Variants in ZNHIT6 observed in about 807,000 individuals in gnomAD.
ZNHIT6 encodes zinc finger HIT-type containing 6.
Under a neutral mutation model 57.2 loss-of-function variants are expected in ZNHIT6, and 45 were observed. The ratio of observed to expected loss-of-function variants is 0.79; its 90% CI spans 0.62 to 1.01. ZNHIT6 has a LOEUF of 1.01. Ranked by LOEUF, ZNHIT6 falls within the 50% of genes least tolerant of loss-of-function variation. ZNHIT6 has a pLI of 0.00. For synonymous variants in ZNHIT6, 188 were observed against 190.0 expected, an observed-to-expected ratio of 0.99 and a Z score of 0.09; for missense variants, 528 against 567.3, an observed-to-expected ratio of 0.93 and a Z score of 0.70.
intron 5 of ZNHIT6, among the ~76,000 whole-genome samples, chr1:85,683,908 G>C (rs969107922): frequency 2.0e-5 from 3 of 151,976 alleles, no homozygotes; most frequent in Admixed American, 6.6e-5. Flanking sequence ...CTCTAGATGA[G>C]TGTTCCACTA....
rs562220614 is a variant in ZNHIT6, at chr1:85,652,088, G to A, written c.*1970C>T. The A allele has an allele frequency of 1.3e-5, 2 of 152,212 alleles. No individual in the cohort carries two copies. Among genetic ancestry groups the A allele is most frequent in the African/African-American group, 4.8e-5 (2 of 41,528 alleles). The allele number at this position is 152,212 out of a possible 1,614,324, so 9.4% of individuals were successfully genotyped here. On this transcript the variant is annotated 3_prime_UTR_variant, in exon 10 of 10. Transcript: ENST00000370574. ...TTTCTTTTTTTCCTCCTGAGCAGTGGAAACTACAGGATAGTTTGTTTTCTG... is the reference window on the plus strand; with the variant it reads ...TTTCTTTTTTTCCTCCTGAGCAGTGAAAACTACAGGATAGTTTGTTTTCTG...
At chr1:85,703,465 A>G (rs999881033) in intron 4 of ZNHIT6, among the ~76,000 whole-genome samples, 4 of 152,190 alleles carry the variant, frequency 2.6e-5, no homozygotes, top group Admixed American at 6.5e-5. Context: ...AATGGAAAAG[A>G]CAAGGCCACA....
chr1:85,657,270 C>T (rs1037431578), intron 9 of ZNHIT6, among the ~76,000 whole-genome samples: 3 of 151,836 alleles, frequency 2.0e-5, no homozygotes, highest in East Asian at 1.9e-4. Flanking sequence ...ATCAGAGAAA[C>T]AAAATCAGAG....
chr1:85,702,021 G>C (rs535705059), intron 5 of ZNHIT6, 136 bp downstream of exon 5: 72 of 619,052 alleles, frequency 1.2e-4, no homozygotes, highest in African/African-American at 1.0e-3. Flanking sequence ...AATTACTACA[G>C]TTATCTTGTC....
rs190218625 is a variant in ZNHIT6, at chr1:85,690,981, G to A, written c.1020-10077C>T. 9.1e-4 allele frequency among the ~76,000 whole-genome samples: 138 copies of A among 152,208 alleles called. 3 individuals are homozygous for A. In the East Asian group the frequency reaches 0.019, roughly 21 times the overall value. ...GTGGAGGGTGCAGTGAGCCGAGATC[G>A]TGCCACTGCACTCCAGCCTGGGTGA... is the stretch of plus-strand genomic sequence containing the variant. On this transcript the variant is annotated intron_variant, in intron 5 of 9. Coordinates refer to ENST00000370574, the MANE Select transcript of ZNHIT6 (RefSeq NM_017953.4).
intron 5 of ZNHIT6, among the ~76,000 whole-genome samples, chr1:85,689,159 T>G (rs561961986): frequency 1.3e-5 from 2 of 152,358 alleles, no homozygotes; most frequent in East Asian, 3.9e-4. Context: ...AAATTTGTTC[T>G]ACTGTCAGCT....
intron 5 of ZNHIT6, among the ~76,000 whole-genome samples, chr1:85,695,967 CAG>C (rs1662356817): frequency 2.0e-5 from 3 of 152,064 alleles, no homozygotes; most frequent in Admixed American, 1.3e-4. Context: ...ACCCGGGAGG[CAG>C]AGATTGCAGT....
chr1:85,673,442 A>G (rs1363233942), intron 8 of ZNHIT6, among the ~76,000 whole-genome samples: 3 of 152,216 alleles, frequency 2.0e-5, no homozygotes, highest in Non-Finnish European at 4.4e-5. Flanking sequence ...AAAAAACTTA[A>G]GCATGCTCTA....
intron 8 of ZNHIT6, among the ~76,000 whole-genome samples, chr1:85,663,647 T>A (rs1433573702): frequency 1.3e-5 from 2 of 152,196 alleles, no homozygotes; most frequent in African/African-American, 2.4e-5. Flanking sequence ...ACAAGTATCA[T>A]GATAGAAATG....
chr1:85,706,529 A>G (rs1297315790), intron 1 of ZNHIT6, 22 bp from the exon 2 acceptor site: 2 of 1,522,264 alleles, frequency 1.3e-6, no homozygotes, highest in Non-Finnish European at 1.8e-6. Flanking sequence ...CACATGTAAC[A>G]TTAAATTATC....
intron 5 of ZNHIT6, among the ~76,000 whole-genome samples, chr1:85,691,358 A>C (rs1015621345): frequency 6.6e-6 from 1 of 152,246 alleles, no homozygotes; most frequent in South Asian, 2.1e-4. Context: ...GAAATGAATT[A>C]TATTTCCAAC....
intron 8 of ZNHIT6, among the ~76,000 whole-genome samples, chr1:85,669,909 G>A (rs935088344): frequency 3.3e-5 from 5 of 152,154 alleles, no homozygotes; most frequent in African/African-American, 1.2e-4. Context: ...CTAGCACATG[G>A]AAGGGGCTCA....
rs1329793066 is a variant in ZNHIT6 at position 85,652,274 on chromosome 1, TCTC to T, written c.*1781_*1783del. On this transcript the variant is annotated 3_prime_UTR_variant, in exon 10 of 10. Transcript: ENST00000370574. Reference sequence around the variant, plus strand: ...TTCTTTTTGTATACGTTATCCCACTTCTCCTAATAACAACACGTTTCACTCAAT... The same window carrying T: ...TTCTTTTTGTATACGTTATCCCACTTCTAATAACAACACGTTTCACTCAAT... The T allele has an allele frequency of 2.1e-4, 32 of 152,260 alleles. No homozygotes were observed. Among genetic ancestry groups the T allele is most frequent in the African/African-American group, 7.5e-4 (31 of 41,562 alleles). 9.4% of individuals were successfully genotyped at this position (152,260 alleles called of 1,614,324 possible).
intron 8 of ZNHIT6, among the ~76,000 whole-genome samples, chr1:85,667,419 T>G (rs1270435358): frequency 6.6e-6 from 1 of 152,156 alleles, no homozygotes; most frequent in Non-Finnish European, 1.5e-5. Flanking sequence ...GCCTTCACAT[T>G]GTTTTGCTTA....
At chr1:85,683,794 G>T (rs1040103473) in intron 5 of ZNHIT6, among the ~76,000 whole-genome samples, 1 of 152,090 alleles carries the variant, frequency 6.6e-6, no homozygotes, top group Non-Finnish European at 1.5e-5. Context: ...ACAGAGCAGG[G>T]TTTCTCAATC....
intron 8 of ZNHIT6, among the ~76,000 whole-genome samples, chr1:85,662,830 C>CAGA (rs903372862): frequency 1.3e-5 from 2 of 152,114 alleles, no homozygotes; most frequent in African/African-American, 2.4e-5. Context: ...CTCACCAGTT[C>CAGA]AGAACTGCAT....
chr1:85,706,029 A>C, intron 4 of ZNHIT6, 49 bp downstream of exon 4: 1 of 1,394,488 alleles, frequency 7.2e-7, no homozygotes, highest in Non-Finnish European at 9.8e-7. Flanking sequence ...AAAAGAATCT[A>C]ATTGATTTGA....
At position 85,659,431 on chromosome 1, in the gene ZNHIT6, CA is replaced by C. The variant is rs1661164857; in HGVS notation, c.1248-1461del. On this transcript the variant is annotated intron_variant, in intron 8 of 9. Transcript: ENST00000370574. ...GCAGAAGTTCTCCAGCATTTTTATT[CA>C]TCTCTACCAATGACAGGTGATATTC... Among the ~76,000 whole-genome samples the C allele has an allele frequency of 3.9e-5, 6 of 152,266 alleles. No homozygotes were observed. In the South Asian group the frequency reaches 1.2e-3, roughly 32 times the overall value.
At chr1:85,688,782 A>G (rs1238277041) in intron 5 of ZNHIT6, among the ~76,000 whole-genome samples, 4 of 152,168 alleles carry the variant, frequency 2.6e-5, no homozygotes, top group African/African-American at 9.7e-5. Context: ...CTATAACCCA[A>G]ACTGTTACCA....
Sources: allele counts gnomAD v4.1 joint callset (sites outside exome capture counted in the v4.1 genomes callset), GRCh38; gene constraint gnomAD v4.1.1; transcripts MANE v1.5; gene names NCBI Gene and HGNC (gene_info 2026-07-23, HGNC 2026-07-21).